The following QRICH2 variants were observed in gnomAD, a reference collection of about 807,000 sequenced individuals.
QRICH2 encodes glutamine-rich protein 2.
QRICH2 carries 119 observed loss-of-function variants against 168.3 expected under a neutral mutation model. The ratio of observed to expected loss-of-function variants is 0.71; its 90% CI spans 0.61 to 0.82. The LOEUF is 0.82. Among genes scored for constraint, QRICH2 ranks in the 40% least tolerant of loss-of-function variants. The pLI, the probability that QRICH2 is intolerant of heterozygous loss-of-function variation, is 0.00. For synonymous variants in QRICH2, 894 were observed against 951.2 expected (o/e 0.94, Z 1.11); for missense variants, 2,241 against 2,491.6 (o/e 0.90, Z 2.14).
chr17:76,305,554 C>G (rs2070978317), intron 1 of QRICH2, among the ~76,000 whole-genome samples: 1 of 152,138 alleles, frequency 6.6e-6, no homozygotes, highest in Non-Finnish European at 1.5e-5. Flanking sequence ...GGGGACCTGG[C>G]TGGTAGCATG....
upstream of QRICH2, among the ~76,000 whole-genome samples, chr17:76,308,965 T>A (rs2071033191): frequency 6.7e-6 from 1 of 149,392 alleles, no homozygotes; most frequent in Non-Finnish European, 1.5e-5. Flanking sequence ...CAGGCTGGTC[T>A]TGAACTCCCG....
At chr17:76,305,514 C>G (rs2070977665) in intron 1 of QRICH2, among the ~76,000 whole-genome samples, 1 of 152,120 alleles carries the variant, frequency 6.6e-6, no homozygotes. Context: ...TTTTCCCAGC[C>G]AAGTGCAGGA....
At chr17:76,300,964 G>A (rs1357081371) in intron 3 of QRICH2, among the ~76,000 whole-genome samples, 3 of 152,110 alleles carry the variant, frequency 2.0e-5, no homozygotes. Context: ...TGAGGCAGGA[G>A]AATCACTTGA....
In QRICH2 at chr17:76,280,272, A is replaced by G. The variant is rs745817707; in HGVS notation, c.4626+15T>C. On this transcript the variant is annotated intron_variant, in intron 11 of 18. Coordinates refer to ENST00000680821, the MANE Select transcript of QRICH2 (RefSeq NM_001388453.1). The surrounding 1 kb of genome is among the most constrained non-coding windows in gnomAD (Gnocchi z 7.4). ...AGGCTGTGGGATGGAGAGCCCCGCC[A>G]TGCCCCTGCCTCACCTTGTTGTCCA... 3 of 1,613,394 alleles carry G rather than the reference A, an allele frequency of 1.9e-6. No homozygotes were observed. The Admixed American group carries it at 5.0e-5, about 27-fold the overall frequency.
In QRICH2 at chr17:76,279,708, C is replaced by A. The variant is rs115592845; in HGVS notation, c.4749-280G>T. On this transcript the variant is annotated intron_variant, in intron 12 of 18. Transcript: ENST00000680821. ...GGAATCCTGGAATTCAAGCCTACCA[C>A]GGGCCAGGTCCTATGGGCCAGGCCC... Among the ~76,000 whole-genome samples, 420 of 152,288 alleles carry A rather than the reference C, an allele frequency of 2.8e-3. 5 individuals carry two copies. The highest frequency in any genetic ancestry group is 9.6e-3 in the African/African-American group (399 of 41,562).
At position 76,292,082 on chromosome 17, in the gene QRICH2, A is replaced by C; in HGVS notation, c.2645T>G (p.Val882Gly). 6.2e-7 allele frequency: 1 copy of C among 1,613,152 alleles called. No homozygotes were observed. Among genetic ancestry groups the C allele is most frequent in the Non-Finnish European group, 8.5e-7 (1 of 1,179,254 alleles). Residue 882 changes from valine (V) to glycine (G), a missense_variant, in exon 4 of 19, where the codon GTC (valine) becomes GGC (glycine). Transcript: ENST00000680821. ...VQPGVDQRGLVQPGMDQRGLI... is the reference protein window; with the variant it reads ...VQPGVDQRGLGQPGMDQRGLI... ...ACCACGCTGGTCCATTCCAGGTTGG[A>C]CCAAACCACGCTGATCCACTCCAGG...
Position 76,304,401 on chromosome 17 carries a change from CCCCA to C in QRICH2, c.705+10_705+13del, listed in dbSNP as rs2070956142. Reference sequence around the variant, plus strand: ...CCCCACCCAAGACCACGGCCCAGGCCCCCACTGGTTCACCGCTTGTGAGGCTCTC... The same window carrying C: ...CCCCACCCAAGACCACGGCCCAGGCCCTGGTTCACCGCTTGTGAGGCTCTC... On this transcript the variant is annotated intron_variant, in intron 3 of 18. Transcript: ENST00000680821. 1 of 1,584,158 alleles carries C rather than the reference CCCCA, an allele frequency of 6.3e-7. No homozygotes were observed. The highest frequency in any genetic ancestry group is 1.3e-5 in the African/African-American group (1 of 74,284).
In QRICH2 at chr17:76,289,991, C is replaced by A; in HGVS notation, c.3798+1G>T. On this transcript the variant is annotated splice_donor_variant, in intron 5 of 18. Coordinates refer to ENST00000680821, the MANE Select transcript of QRICH2 (RefSeq NM_001388453.1). LOFTEE classifies it high-confidence loss of function. ...GACAAAGTGGGTTGACTCTTCCTTA[C>A]TTTTGCTTTCTCCTGCCAAACTTCT... The A allele has an allele frequency of 1.3e-6, 2 of 1,591,056 alleles. No individual in the cohort carries two copies. Among genetic ancestry groups the A allele is most frequent in the Non-Finnish European group, 8.6e-7 (1 of 1,162,766 alleles).
Position 76,303,765 on chromosome 17 carries a change from C to T in QRICH2, c.705+650G>A, listed in dbSNP as rs2958218. ...GTGGGCGCCTGTAGTCCCAGCTACT[C>T]TGGAGGCTGAGACAGGAGAATGGCG... On this transcript the variant is annotated intron_variant, in intron 3 of 18. Coordinates refer to ENST00000680821, the MANE Select transcript of QRICH2 (RefSeq NM_001388453.1). Among the ~76,000 whole-genome samples the T allele has an allele frequency of 4.7e-5, 7 of 150,076 alleles. No homozygotes were observed. The East Asian group carries it at 1.2e-3, about 26-fold the overall frequency.
chr17:76,304,601 A>C, intron 2 of QRICH2, 76 bp from the exon 3 acceptor site: 1 of 1,082,646 alleles, frequency 9.2e-7, no homozygotes, highest in Non-Finnish European at 1.4e-6. Flanking sequence ...ACTTGGTCTA[A>C]CAGGATCTGG....
intron 5 of QRICH2, among the ~76,000 whole-genome samples, 184 bp downstream of exon 5, chr17:76,289,808 C>T (rs1185178816): frequency 6.6e-6 from 1 of 151,788 alleles, no homozygotes; most frequent in African/African-American, 2.4e-5. Flanking sequence ...CAAAATTAGC[C>T]GGGCATGGTG....
In QRICH2 at chr17:76,274,206, G is replaced by T. The variant is rs772087917; in HGVS notation, c.5537C>A (p.Pro1846Gln). The change falls in exon 19 of 19, where the codon CCG (proline) becomes CAG (glutamine). Residue 1846 changes from proline (P) to glutamine (Q), a missense_variant. Physicochemically the swap from Pro to Gln is moderately conservative, Grantham distance 76. Coordinates refer to ENST00000680821, the MANE Select transcript of QRICH2 (RefSeq NM_001388453.1). ...RPSSEGRLSQPNTAHPPSSAA... is the reference protein window; with the variant it reads ...RPSSEGRLSQQNTAHPPSSAA... ...GGAGCTGGGCGGGTGGGCTGTGTTC[G>T]GCTGGGAGAGACGGCCCTCGGAGGA... The T allele has an allele frequency of 4.4e-5, 71 of 1,596,548 alleles. No individual in the cohort carries two copies. The highest frequency in any genetic ancestry group is 6.0e-5 in the Non-Finnish European group (71 of 1,174,152).
rs140284407 is a variant in QRICH2, at chr17:76,277,991, T to A, written c.5115A>T (p.Lys1705Asn). 1 of 1,610,784 alleles carries A rather than the reference T, an allele frequency of 6.2e-7. No homozygotes were observed. Among genetic ancestry groups the A allele is most frequent in the Non-Finnish European group, 8.5e-7 (1 of 1,179,960 alleles). ...GGCCTCGCCCGCCTCTCCTGTACCG[T>A]TTGTAGCAGGGGGAGCCCAGGCACT... ...HAQCLGSPCYKRVTDMADYTY... is the reference protein window; with the variant it reads ...HAQCLGSPCYNRVTDMADYTY... Residue 1705 changes from lysine to asparagine, a missense_variant and splice_region_variant, in exon 15 of 19, where the codon AAA becomes AAT. By Grantham distance (94) the Lys-to-Asn change is moderately conservative (BLOSUM62 0). Coordinates refer to ENST00000680821, the MANE Select transcript of QRICH2 (RefSeq NM_001388453.1).
In QRICH2 at chr17:76,279,346, G is replaced by C; in HGVS notation, c.4814+17C>G. 6.2e-7 allele frequency: 1 copy of C among 1,608,238 alleles called. No individual in the cohort carries two copies. The highest frequency in any genetic ancestry group is 8.5e-7 in the Non-Finnish European group (1 of 1,176,434). On this transcript the variant is annotated intron_variant, in intron 13 of 18. Transcript: ENST00000680821. Reference sequence around the variant, plus strand: ...CCCTGCCATGCGAGGCCACGTGCCGGCGGTGTGGGCACTCACTGTCCAGTC... The same window carrying C: ...CCCTGCCATGCGAGGCCACGTGCCGCCGGTGTGGGCACTCACTGTCCAGTC...
At chr17:76,278,407 C>G (rs1477567468) in intron 14 of QRICH2, among the ~76,000 whole-genome samples, 1 of 152,228 alleles carries the variant, frequency 6.6e-6, no homozygotes, top group African/African-American at 2.4e-5. Flanking sequence ...GCAGGCCAGC[C>G]AAATGGAAGA....
chr17:76,293,803 A>G lies in QRICH2; in HGVS notation c.924T>C (p.Ser308=). 3 of 1,614,048 alleles carry G rather than the reference A, an allele frequency of 1.9e-6. No homozygotes were observed. The highest frequency in any genetic ancestry group is 2.5e-6 in the Non-Finnish European group (3 of 1,179,986). The stretch of plus-strand genomic sequence containing the variant: ...TCGGCTGCTGCTGTCTCCCAGTACC[A>G]GAGGGGACCTTGCTTTGTTCCCTAC... ...VSSREQSKVP[S]GTGRQQQPRA... Residue 308 remains serine (S), a synonymous_variant, in exon 4 of 19, where the codon TCT becomes TCC. Coordinates refer to ENST00000680821, the MANE Select transcript of QRICH2 (RefSeq NM_001388453.1).
chr17:76,305,165 C>CTTTTTTTT (rs371179936), intron 1 of QRICH2, among the ~76,000 whole-genome samples: 12 of 130,004 alleles, frequency 9.2e-5, no homozygotes, highest in African/African-American at 2.8e-4. Flanking sequence ...TTTTGGTTTC[C>CTTTTTTTT]TTTTTTTTTT....
At chr17:76,279,940 T>C (rs373120899) in intron 12 of QRICH2, 93 bp downstream of exon 12, 1 of 1,428,204 alleles carries the variant, frequency 7.0e-7, no homozygotes, top group South Asian at 1.4e-5. Flanking sequence ...CGCTGTGTGC[T>C]GGCAGGAGCT....
At chr17:76,310,506 C>G (rs1290720603), upstream of QRICH2, 3 of 151,476 alleles carry the variant, frequency 2.0e-5, no homozygotes, top group Non-Finnish European at 2.9e-5. Context: ...TGCTCTGTCA[C>G]CCAGGATGGA....
Sources: gnomAD v4.1 joint callset for allele counts (sites outside exome capture counted in the v4.1 genomes callset) on GRCh38, gnomAD v4.1.1 for gene constraint, Gnocchi (gnomAD v3.1) non-coding constraint, MANE v1.5 for transcripts, NCBI Gene and HGNC (gene_info 2026-07-23, HGNC 2026-07-21) for gene names.